The following CATSPERE variants were observed in gnomAD, a reference collection of about 807,000 sequenced individuals.
The protein encoded by CATSPERE is cation channel sperm-associated auxiliary subunit epsilon.
Under a neutral mutation model 114.1 loss-of-function variants are expected in CATSPERE, and 93 were observed. The ratio of observed to expected loss-of-function variants is 0.81; its 90% CI spans 0.69 to 0.97. CATSPERE has a LOEUF of 0.97. Among genes scored for constraint, CATSPERE ranks in the 50% least tolerant of loss-of-function variants. The pLI, the probability that CATSPERE is intolerant of heterozygous loss-of-function variation, is 0.00. For missense variants in CATSPERE, 1,058 were observed against 1,131.6 expected (o/e 0.93, Z 0.93); for synonymous variants, 341 against 384.1 (o/e 0.89, Z 1.31).
chr1:244,499,188 C>CCTG, intron 7 of CATSPERE, 109 bp downstream of exon 7: 1 of 687,642 alleles, frequency 1.5e-6, no homozygotes, highest in African/African-American at 1.8e-5. Context: ...CTGCCCACAC[C>CCTG]TAACTAAATA....
intron 17 of CATSPERE, chr1:244,598,537 C>A: frequency 4.6e-6 from 1 of 216,024 alleles, no homozygotes; most frequent in South Asian, 6.2e-5. Context: ...TTCTTGGTGT[C>A]TGTGTACAAG....
At chr1:244,468,002 AG>A (rs1302277349) in intron 2 of CATSPERE, among the ~76,000 whole-genome samples, 2 of 151,574 alleles carry the variant, frequency 1.3e-5, no homozygotes, top group Non-Finnish European at 2.9e-5. Context: ...ATCTATTTTT[AG>A]CTATTTTATG....
chr1:244,552,064 C>CAAAAAAAAAAAAAAAAAAAAAAAA (rs33962480), intron 8 of CATSPERE, among the ~76,000 whole-genome samples: 2 of 61,330 alleles, frequency 3.3e-5, no homozygotes, highest in African/African-American at 6.2e-5. Context: ...ACTCTGTCTC[C>CAAAAAAAAAAAAAAAAAAAAAAAA]AAAAAAAAAA....
intron 20 of CATSPERE, among the ~76,000 whole-genome samples, chr1:244,631,816 T>C (rs571231924): frequency 6.6e-6 from 1 of 152,340 alleles, no homozygotes; most frequent in East Asian, 1.9e-4. Flanking sequence ...GACAAGGATA[T>C]GGAATATCAG....
Position 244,544,117 on chromosome 1 carries a change from A to G in CATSPERE, c.537-8205A>G, listed in dbSNP as rs79972126. 4.8e-3 allele frequency among the ~76,000 whole-genome samples: 726 copies of G among 152,254 alleles called. 6 individuals carry two copies. The highest frequency in any genetic ancestry group is 0.017 in the African/African-American group (694 of 41,534). ...GTGTGTAGCAGACTTGAGCCTGTCTATAGACCCAAAAGCCCTTAAATAAAG... is the reference window on the plus strand; with the variant it reads ...GTGTGTAGCAGACTTGAGCCTGTCTGTAGACCCAAAAGCCCTTAAATAAAG... On this transcript the variant is annotated intron_variant, in intron 8 of 21. Coordinates refer to ENST00000366534, the MANE Select transcript of CATSPERE (RefSeq NM_001130957.2).
At chr1:244,483,868 G>A in intron 5 of CATSPERE, among the ~76,000 whole-genome samples, 1 of 151,920 alleles carries the variant, frequency 6.6e-6, no homozygotes, top group East Asian at 1.9e-4. Context: ...ATCTATTTAA[G>A]AAATCTTTTC....
intron 7 of CATSPERE, among the ~76,000 whole-genome samples, chr1:244,517,570 G>A (rs1676840197): frequency 6.6e-6 from 1 of 151,798 alleles, no homozygotes; most frequent in Non-Finnish European, 1.5e-5. Context: ...TCAGGAGTTC[G>A]AGACCAGCCT....
upstream of CATSPERE, among the ~76,000 whole-genome samples, chr1:244,456,773 C>T (rs1202783656): frequency 6.6e-6 from 1 of 152,178 alleles, no homozygotes; most frequent in Admixed American, 6.5e-5. Flanking sequence ...ACAGTCAGGC[C>T]TTATCTTCAC....
intron 20 of CATSPERE, among the ~76,000 whole-genome samples, chr1:244,625,687 A>G (rs750759156): frequency 6.6e-6 from 1 of 151,102 alleles, no homozygotes; most frequent in African/African-American, 2.4e-5. Flanking sequence ...TTGGCCTTCC[A>G]AAGTGCTGAG....
intron 5 of CATSPERE, among the ~76,000 whole-genome samples, chr1:244,486,573 C>T (rs375834073): frequency 8.1e-5 from 8 of 99,378 alleles, no homozygotes; most frequent in African/African-American, 1.2e-4. Flanking sequence ...AGGTGTAGAC[C>T]CTCGTAGTCA....
chr1:244,517,272 T>C (rs1383988615), intron 7 of CATSPERE, among the ~76,000 whole-genome samples: 1 of 152,016 alleles, frequency 6.6e-6, no homozygotes, highest in African/African-American at 2.4e-5. Flanking sequence ...ATATTTTTCC[T>C]ACAATCTTCT....
intron 7 of CATSPERE, among the ~76,000 whole-genome samples, chr1:244,512,884 G>A (rs1675995481): frequency 6.6e-6 from 1 of 152,178 alleles, no homozygotes; most frequent in African/African-American, 2.4e-5. Flanking sequence ...CAGTGGCTTA[G>A]GCTGTGGTTG....
intron 5 of CATSPERE, among the ~76,000 whole-genome samples, chr1:244,484,627 ACTCCTTAC>A (rs1485540433): frequency 6.6e-6 from 1 of 152,082 alleles, no homozygotes; most frequent in African/African-American, 2.4e-5. Context: ...TTTATGGCTT[ACTCCTTAC>A]CATCATTTTG....
upstream of CATSPERE, among the ~76,000 whole-genome samples, chr1:244,456,602 A>G (rs1666186423): frequency 6.6e-6 from 1 of 152,184 alleles, no homozygotes; most frequent in African/African-American, 2.4e-5. Flanking sequence ...AAATACAGAC[A>G]TTTGGTCTAA....
upstream of CATSPERE, chr1:244,451,746 C>G (rs1345932507): frequency 1.2e-6 from 2 of 1,604,834 alleles, no homozygotes; most frequent in Non-Finnish European, 1.7e-6. The surrounding 1 kb of genome is among the most constrained non-coding windows in gnomAD (Gnocchi z 6.6). Context: ...TTCCTCCGGG[C>G]CGCGCCCTGG....
At chr1:244,496,138 C>T (rs1673048695) in intron 6 of CATSPERE, among the ~76,000 whole-genome samples, 1 of 151,948 alleles carries the variant, frequency 6.6e-6, no homozygotes, top group African/African-American at 2.4e-5. Context: ...ATCCATGGGC[C>T]AAAAAAGAAA....
chr1:244,586,248 G>A lies in CATSPERE; in HGVS notation c.2086-2234G>A, dbSNP rs185264884. On this transcript the variant is annotated intron_variant, in intron 13 of 21. Coordinates refer to ENST00000366534, the MANE Select transcript of CATSPERE (RefSeq NM_001130957.2). ...ACTCCTTTTCAATATCCACCTACAG[G>A]TTAACTCATATTTTTAATCCTAGCC... Among the ~76,000 whole-genome samples the A allele has an allele frequency of 1.6e-3, 250 of 152,244 alleles. 1 individual carries two copies. The highest frequency in any genetic ancestry group is 5.6e-3 in the African/African-American group (233 of 41,552).
intron 18 of CATSPERE, among the ~76,000 whole-genome samples, chr1:244,608,794 T>C (rs574306218): frequency 7.2e-5 from 11 of 152,148 alleles, no homozygotes; most frequent in Non-Finnish European, 1.2e-4. Flanking sequence ...TTTCTCTGTA[T>C]CTCTATCTGT....
At chr1:244,635,455 G>A (rs1271591055) in intron 20 of CATSPERE, 34 bp from the exon 21 acceptor site, 2 of 1,486,128 alleles carry the variant, frequency 1.3e-6, no homozygotes, top group East Asian at 4.5e-5. Flanking sequence ...ATTGTACTTA[G>A]TGTAATCTTT....
Sources: allele counts gnomAD v4.1 joint callset (sites outside exome capture counted in the v4.1 genomes callset), GRCh38; gene constraint gnomAD v4.1.1; non-coding constraint Gnocchi (gnomAD v3.1); transcripts MANE v1.5; gene names NCBI Gene and HGNC (gene_info 2026-07-23, HGNC 2026-07-21).